The following EMC1 variants were observed in gnomAD, a reference collection of about 807,000 sequenced individuals.
EMC1 encodes the protein ER membrane protein complex subunit 1.
In EMC1, 103 loss-of-function variants were observed where a neutral mutation model predicts 128.8. The observed-to-expected ratio is 0.80, with a 90% confidence interval of 0.68 to 0.94. EMC1 has a LOEUF of 0.94. Ranked by LOEUF, EMC1 falls within the 40% of genes least tolerant of loss-of-function variation. EMC1 has a pLI of 0.00. For missense variants in EMC1, 1,083 were observed against 1,250.6 expected, an observed-to-expected ratio of 0.87 and a Z score of 2.02; for synonymous variants, 442 against 490.4, an observed-to-expected ratio of 0.90 and a Z score of 1.30.
intron 13 of EMC1, 113 bp from the exon 14 acceptor site, chr1:19,233,248 C>T (rs1199361903): frequency 6.7e-6 from 6 of 893,862 alleles, no homozygotes; most frequent in Admixed American, 2.7e-5. Flanking sequence ...AAAGTCCACA[C>T]TCTAGGCCAC....
chr1:19,241,109 G>GT lies in EMC1; in HGVS notation c.542dup (p.Tyr181Ter), dbSNP rs1167848259. 4.3e-6 allele frequency: 7 copies of GT among 1,614,066 alleles called. No homozygotes were observed. The highest frequency in any genetic ancestry group is 4.0e-5 in the African/African-American group (3 of 74,934). ...CGAGGGCCCACACCACCCCAGAGCCGTAAGAATACACCATCTGGTAGTGGA... is the reference window on the plus strand; with the variant it reads ...CGAGGGCCCACACCACCCCAGAGCCGTTAAGAATACACCATCTGGTAGTGGA... ...DSIHYQMVYS[Y>*]GSGVVWALGV... Residue 181 changes from tyrosine (Y) to a stop codon, truncating the protein, a stop_gained and frameshift_variant, in exon 6 of 23, where the codon TAC becomes TAAC. Coordinates refer to ENST00000477853, the MANE Select transcript of EMC1 (RefSeq NM_015047.3). LOFTEE classifies it high-confidence loss of function.
chr1:19,231,219 G>T lies in EMC1; in HGVS notation c.1944+42C>A, dbSNP rs2275403. Reference sequence around the variant, plus strand: ...GTGTTTGACCACCTGGCCCCAAACCGGACTCCGCTAGCATGTTCTCCATCC... The same window carrying T: ...GTGTTTGACCACCTGGCCCCAAACCTGACTCCGCTAGCATGTTCTCCATCC... On this transcript the variant is annotated intron_variant, in intron 16 of 22. Transcript: ENST00000477853. The T allele has an allele frequency of 6.1e-5, 94 of 1,549,814 alleles. No individual in the cohort carries two copies. In the African/African-American group the frequency reaches 1.1e-3, roughly 19 times the overall value.
At chr1:19,242,575 C>T in intron 4 of EMC1, 102 bp from the exon 5 acceptor site, 1 of 1,343,654 alleles carries the variant, frequency 7.4e-7, no homozygotes, top group Non-Finnish European at 1.0e-6. Context: ...GGTAAGAAAA[C>T]AGGCTTTGGG....
Position 19,219,710 on chromosome 1 carries a change from C to T in EMC1, c.2673-12G>A. The T allele has an allele frequency of 6.2e-7, 1 of 1,613,964 alleles. No homozygotes were observed. The highest frequency in any genetic ancestry group is 8.5e-7 in the Non-Finnish European group (1 of 1,179,952). On this transcript the variant is annotated splice_polypyrimidine_tract_variant and intron_variant, in intron 21 of 22. Coordinates refer to ENST00000477853, the MANE Select transcript of EMC1 (RefSeq NM_015047.3). ...TTAAGTTCTCCTCTCTGCAAAACAC[C>T]AGCCGGGACAGGCAGTCTGAGCACT...
chr1:19,245,701 T>C (rs1185158239), intron 1 of EMC1, among the ~76,000 whole-genome samples: 1 of 143,834 alleles, frequency 7.0e-6, no homozygotes, highest in Admixed American at 7.1e-5. Flanking sequence ...CTCAGCTCAC[T>C]GCAACCTCCA....
intron 5 of EMC1, among the ~76,000 whole-genome samples, 157 bp from the exon 6 acceptor site, chr1:19,241,299 T>C (rs764530331): frequency 1.3e-5 from 2 of 152,250 alleles, no homozygotes; most frequent in Non-Finnish European, 2.9e-5. Context: ...GTTGTTGTTC[T>C]TAATTTGAAT....
At chr1:19,224,154 C>T (rs1034288668) in intron 18 of EMC1, among the ~76,000 whole-genome samples, 25 of 152,206 alleles carry the variant, frequency 1.6e-4, no homozygotes, top group East Asian at 9.6e-4. Flanking sequence ...GGTTCTTCCA[C>T]ATCTCCCCAG....
chr1:19,227,998 G>C (rs964186653), intron 17 of EMC1, among the ~76,000 whole-genome samples: 1 of 152,154 alleles, frequency 6.6e-6, no homozygotes, highest in Non-Finnish European at 1.5e-5. Flanking sequence ...CTGAGGTCGG[G>C]AGTTTGAGAC....
chr1:19,222,656 G>T lies in EMC1; in HGVS notation c.2555C>A (p.Thr852Asn). 1 of 1,614,116 alleles carries T rather than the reference G, an allele frequency of 6.2e-7. No homozygotes were observed. Among genetic ancestry groups the T allele is most frequent in the Non-Finnish European group, 8.5e-7 (1 of 1,180,022 alleles). The change falls in exon 20 of 23, where the codon ACC (threonine) becomes AAC (asparagine). Residue 852 changes from threonine (T) to asparagine (N), a missense_variant. Physicochemically the swap from Thr to Asn is moderately conservative, Grantham distance 65. This residue lies in a region of EMC1 where 527 missense variants were observed against 644.1 expected (regional missense o/e 0.82). Transcript: ENST00000477853. ...SSISAMEATI[T>N]ERGITSRHLL... is the part of the protein sequence containing the mutation. The stretch of plus-strand genomic sequence containing the variant: ...GTGTCGGCTGGTGATGCCCCGTTCG[G>T]TGATGGTGGCCTCCATGGCACTGAT...
intron 1 of EMC1, among the ~76,000 whole-genome samples, chr1:19,249,864 A>G (rs2093649161): frequency 1.3e-5 from 2 of 152,104 alleles, no homozygotes; most frequent in Non-Finnish European, 2.9e-5. Context: ...AGCTGCAGTG[A>G]GCCATGATAG....
intron 2 of EMC1, chr1:19,244,690 G>C (rs1036927919): frequency 1.1e-5 from 5 of 466,154 alleles, no homozygotes; most frequent in Non-Finnish European, 1.9e-5. Flanking sequence ...AGGACACTCA[G>C]GATTCAAGCT....
Position 19,243,940 on chromosome 1 carries a change from C to T in EMC1, c.286+10G>A. On this transcript the variant is annotated intron_variant, in intron 3 of 22. Transcript: ENST00000477853. The stretch of plus-strand genomic sequence containing the variant: ...GCCGCACAATGGAGACACGGGAGGA[C>T]TCTGCTTACCCTGTCCGTGCAGCAG... The T allele has an allele frequency of 6.2e-7, 1 of 1,613,898 alleles. No individual in the cohort carries two copies. Among genetic ancestry groups the T allele is most frequent in the Non-Finnish European group, 8.5e-7 (1 of 1,179,848 alleles).
intron 8 of EMC1, among the ~76,000 whole-genome samples, chr1:19,239,515 G>C (rs2093590640): frequency 6.6e-6 from 1 of 152,176 alleles, no homozygotes; most frequent in Non-Finnish European, 1.5e-5. Flanking sequence ...GCAGGCACAG[G>C]TCAATCTTAA....
In EMC1 at chr1:19,242,803, T is replaced by TC; in HGVS notation, c.381-331dup. On this transcript the variant is annotated intron_variant, in intron 4 of 22. Transcript: ENST00000477853. ...GTCATTACTGTGCTACCTGCCTGCC[T>TC]CCCAATGGACAGCGGAATCCTCAAT... Among the ~76,000 whole-genome samples the TC allele has an allele frequency of 2.6e-5, 4 of 152,302 alleles. 1 individual carries two copies. In the South Asian group the frequency reaches 8.3e-4, roughly 32 times the overall value.
chr1:19,229,021 G>T (rs1204049295), intron 17 of EMC1, among the ~76,000 whole-genome samples: 3 of 152,158 alleles, frequency 2.0e-5, no homozygotes, highest in African/African-American at 7.2e-5. Flanking sequence ...TCCAGCCTGG[G>T]TGACAGAGCG....
At chr1:19,249,446 A>C (rs755730099) in intron 1 of EMC1, among the ~76,000 whole-genome samples, 3 of 152,222 alleles carry the variant, frequency 2.0e-5, no homozygotes, top group Non-Finnish European at 4.4e-5. Flanking sequence ...TCAGTAAAGT[A>C]ACATGCCGTA....
At chr1:19,249,817 G>A (rs908788738) in intron 1 of EMC1, among the ~76,000 whole-genome samples, 1 of 152,076 alleles carries the variant, frequency 6.6e-6, no homozygotes, top group African/African-American at 2.4e-5. Context: ...TACTCAGGAG[G>A]CTGAGCTGGG....
chr1:19,236,128 C>A (rs1462034218), intron 12 of EMC1, among the ~76,000 whole-genome samples: 1 of 152,040 alleles, frequency 6.6e-6, no homozygotes, highest in Non-Finnish European at 1.5e-5. Flanking sequence ...GTAATCCCAG[C>A]ACTTTGGGAG....
rs181007950 is a variant in EMC1, at chr1:19,243,696, C to A, written c.298G>T (p.Val100Leu). The A allele has an allele frequency of 6.2e-7, 1 of 1,614,178 alleles. No individual in the cohort carries two copies. The highest frequency in any genetic ancestry group is 2.2e-5 in the East Asian group (1 of 44,888). ...CGCATGATTCGGCCTCCATTGGACA[C>A]AGTGATCACATCTGGAAAAGAAAAG... ...MLLHGQDVITVSNGGRIMRSW... is the reference protein window; with the variant it reads ...MLLHGQDVITLSNGGRIMRSW... The change falls in exon 4 of 23, where the codon GTG becomes TTG. Residue 100 changes from valine to leucine, a missense_variant. Physicochemically the swap from Val to Leu is conservative, Grantham distance 32 (BLOSUM62 1). Around this residue, in one of 3 missense-constraint regions of EMC1, gnomAD observed 544 missense variants for 572.4 expected, o/e 0.95. Transcript: ENST00000477853.
Sources: allele counts gnomAD v4.1 joint callset (sites outside exome capture counted in the v4.1 genomes callset), GRCh38; gene constraint gnomAD v4.1.1; regional missense constraint gnomAD v4.1.1; transcripts MANE v1.5; gene names NCBI Gene and HGNC (gene_info 2026-07-23, HGNC 2026-07-21).